Variants in AUTS2 observed in about 807,000 individuals in gnomAD.
AUTS2 encodes the protein activator of transcription and developmental regulator AUTS2, also known as autism susceptibility gene 2 protein.
Under a neutral mutation model 112.4 loss-of-function variants are expected in AUTS2, and 17 were observed. That is an observed-to-expected ratio of 0.15 (90% CI 0.10 to 0.23). The LOEUF (loss-of-function observed/expected upper bound fraction) is 0.23, where lower values mean the gene tolerates loss of function less well. Among genes scored for constraint, AUTS2 ranks in the 10% least tolerant of loss-of-function variants. The pLI, the probability that AUTS2 is intolerant of heterozygous loss-of-function variation, is 1.00. For synonymous variants in AUTS2, 751 were observed against 702.7 expected (o/e 1.07, Z -1.09); for missense variants, 1,510 against 1,701.6 (o/e 0.89, Z 1.98).
intron 12 of AUTS2, 44 bp from the exon 13 acceptor site, chr7:70,775,313 T>A: frequency 6.3e-7 from 1 of 1,577,066 alleles, no homozygotes; most frequent in Non-Finnish European, 8.7e-7. Context: ...GAGCAATTGT[T>A]TGAGTGACAG....
chr7:70,070,722 C>T (rs184225908), intron 2 of AUTS2, among the ~76,000 whole-genome samples: 139 of 150,764 alleles, frequency 9.2e-4, no homozygotes, highest in African/African-American at 2.6e-3. Flanking sequence ...AAAAATTAGC[C>T]GAGCATGGTT....
chr7:70,747,844 CAG>C (rs1348419923), intron 6 of AUTS2, among the ~76,000 whole-genome samples: 2 of 148,836 alleles, frequency 1.3e-5, no homozygotes, highest in Non-Finnish European at 3.0e-5. Context: ...GTTTTTGAGA[CAG>C]AGTCTCGCTC....
rs140048560 is a variant in AUTS2, at chr7:70,762,409, C to CTG, written c.743-459_743-458dup. ...ACCTCAGCCTCCCGAGTAGCTTGGA[C>CTG]TGTAGTACACACCACCACACCTGGC... On this transcript the variant is annotated intron_variant, in intron 6 of 18. Coordinates refer to ENST00000342771, the MANE Select transcript of AUTS2 (RefSeq NM_015570.4). Among the ~76,000 whole-genome samples the CTG allele has an allele frequency of 1.4e-3, 212 of 151,972 alleles. 4 individuals carry two copies. In the East Asian group the frequency reaches 0.037, roughly 27 times the overall value.
chr7:70,377,309 C>A (rs548068228), intron 4 of AUTS2, among the ~76,000 whole-genome samples: 4 of 99,308 alleles, frequency 4.0e-5, no homozygotes, highest in African/African-American at 7.7e-5. Flanking sequence ...GTTTGGGTCT[C>A]AAACAAACAA....
chr7:70,658,199 C>A (rs1414286583), intron 5 of AUTS2, among the ~76,000 whole-genome samples: 1 of 152,186 alleles, frequency 6.6e-6, no homozygotes, highest in Non-Finnish European at 1.5e-5. Flanking sequence ...GGAGCTCCTT[C>A]TTAAAATTAG....
intron 5 of AUTS2, among the ~76,000 whole-genome samples, chr7:70,601,498 A>G (rs556147338): frequency 2.6e-5 from 4 of 152,322 alleles, no homozygotes; most frequent in East Asian, 3.9e-4. Context: ...GAAACTGTCT[A>G]AAAAGGGGAA....
chr7:70,364,550 G>GCT (rs1792470570), intron 4 of AUTS2, among the ~76,000 whole-genome samples: 1 of 148,760 alleles, frequency 6.7e-6, no homozygotes, highest in Admixed American at 6.8e-5. Flanking sequence ...TGGTGACAAA[G>GCT]CAAGACTCTG....
At chr7:70,391,981 C>A (rs1017569269) in intron 4 of AUTS2, among the ~76,000 whole-genome samples, 7 of 152,142 alleles carry the variant, frequency 4.6e-5, no homozygotes, top group Non-Finnish European at 1.0e-4. Flanking sequence ...CTAGTCACAC[C>A]AGCCCCCACA....
chr7:69,922,776 T>C (rs181511716), intron 2 of AUTS2, among the ~76,000 whole-genome samples: 8 of 152,294 alleles, frequency 5.3e-5, no homozygotes, highest in Admixed American at 2.6e-4. Context: ...CTTGTTAACA[T>C]AGCGTGGGAA....
chr7:70,041,204 T>G (rs1265249486), intron 2 of AUTS2, among the ~76,000 whole-genome samples: 2 of 152,180 alleles, frequency 1.3e-5, no homozygotes, highest in African/African-American at 4.8e-5. Flanking sequence ...CCTATGTGGC[T>G]TTTAAATGCA....
intron 4 of AUTS2, among the ~76,000 whole-genome samples, chr7:70,281,003 C>T (rs1045625087): frequency 1.3e-5 from 2 of 152,188 alleles, no homozygotes; most frequent in African/African-American, 4.8e-5. Flanking sequence ...CCCATATCCA[C>T]GTTCTTATTT....
chr7:69,992,483 G>C lies in AUTS2; in HGVS notation c.522+92985G>C, dbSNP rs371510960. Among the ~76,000 whole-genome samples the C allele has an allele frequency of 1.0e-3, 156 of 152,286 alleles. 3 individuals are homozygous for C. In the South Asian group the frequency reaches 0.032, roughly 31 times the overall value. On this transcript the variant is annotated intron_variant, in intron 2 of 18. Transcript: ENST00000342771. The stretch of plus-strand genomic sequence containing the variant: ...TTGATTGGATGGTGATCCTCCCTGT[G>C]TGCCTCCTGAGTGTATTTGGAACAT...
At chr7:70,633,835 GA>G (rs1216918026) in intron 5 of AUTS2, among the ~76,000 whole-genome samples, 1 of 152,086 alleles carries the variant, frequency 6.6e-6, no homozygotes, top group Non-Finnish European at 1.5e-5. Flanking sequence ...GATGGTTTAG[GA>G]AAAAGAAATA....
At chr7:70,152,673 A>G (rs1807509104) in intron 4 of AUTS2, among the ~76,000 whole-genome samples, 1 of 152,208 alleles carries the variant, frequency 6.6e-6, no homozygotes, top group Admixed American at 6.5e-5. Context: ...CAAAAAGCCT[A>G]GTTGAAAAAC....
Position 70,051,570 on chromosome 7 carries a change from T to A in AUTS2, c.523-66562T>A, listed in dbSNP as rs925958600. On this transcript the variant is annotated intron_variant, in intron 2 of 18. Transcript: ENST00000342771. ...CTTCTCTACTAAAAATACCAAAAAA[T>A]TACCCAGGCGTGGTGGTGGGCACCT... Among the ~76,000 whole-genome samples the A allele has an allele frequency of 5.9e-5, 9 of 151,826 alleles. 1 individual carries two copies. The highest frequency in any genetic ancestry group is 5.9e-4 in the Admixed American group (9 of 15,216).
At chr7:70,434,031 T>C (rs567020413) in intron 4 of AUTS2, among the ~76,000 whole-genome samples, 1 of 152,328 alleles carries the variant, frequency 6.6e-6, no homozygotes, top group Admixed American at 6.5e-5. Flanking sequence ...TCTGTTGTTT[T>C]TGTACTGAGT....
At chr7:69,763,002 C>T (rs1788261127) in intron 1 of AUTS2, among the ~76,000 whole-genome samples, 1 of 152,152 alleles carries the variant, frequency 6.6e-6, no homozygotes, top group Non-Finnish European at 1.5e-5. Flanking sequence ...CTCGGGGATA[C>T]AAGCCTGTTA....
chr7:70,328,403 A>G (rs1349633392), intron 4 of AUTS2, among the ~76,000 whole-genome samples: 1 of 151,912 alleles, frequency 6.6e-6, no homozygotes, highest in Non-Finnish European at 1.5e-5. Flanking sequence ...TTTTTTTTTA[A>G]TAGAGACAAG....
At chr7:69,958,567 T>C (rs576192355) in intron 2 of AUTS2, among the ~76,000 whole-genome samples, 21 of 152,132 alleles carry the variant, frequency 1.4e-4, no homozygotes, top group Non-Finnish European at 5.9e-5. Context: ...ACAAACCATG[T>C]AGTGTAAGGA....
Sources: allele counts gnomAD v4.1 joint callset (sites outside exome capture counted in the v4.1 genomes callset), GRCh38; gene constraint gnomAD v4.1.1; transcripts MANE v1.5; gene names NCBI Gene and HGNC (gene_info 2026-07-23, HGNC 2026-07-21).